ASXL3: variants seen among roughly 807,000 people sequenced by gnomAD.
ASXL3 encodes ASXL transcriptional regulator 3, also known as putative Polycomb group protein ASXL3.
In ASXL3, 34 loss-of-function variants were observed where a neutral mutation model predicts 170.6. The ratio of observed to expected loss-of-function variants is 0.20; its 90% CI spans 0.15 to 0.27. ASXL3 has a LOEUF of 0.27. Ranked by LOEUF, ASXL3 falls within the 10% of genes least tolerant of loss-of-function variation. The pLI is 1.00. For synonymous variants in ASXL3, 1,002 were observed against 989.1 expected (o/e 1.01, Z -0.24); for missense variants, 2,592 against 2,695.3 (o/e 0.96, Z 0.85).
chr18:33,601,785 G>GTATATA lies in ASXL3; in HGVS notation c.55-5804_55-5799dup, dbSNP rs1555717840. Among the ~76,000 whole-genome samples, 627 of 103,952 alleles carry GTATATA rather than the reference G, an allele frequency of 6.0e-3. 70 individuals are homozygous for GTATATA. The highest frequency in any genetic ancestry group is 0.021 in the African/African-American group (599 of 28,860). The allele number at this position is 103,952 out of a possible 152,430, so 68.2% of individuals were successfully genotyped here. On this transcript the variant is annotated intron_variant, in intron 1 of 11. Coordinates refer to ENST00000269197, the MANE Select transcript of ASXL3 (RefSeq NM_030632.3). ...TGAGAATTTAAGTAAATATCTGATT[G>GTATATA]TATATATATAGTTTGTTTGTTTTGA...
At chr18:33,628,899 T>A (rs1299819412) in intron 2 of ASXL3, among the ~76,000 whole-genome samples, 1 of 152,172 alleles carries the variant, frequency 6.6e-6, no homozygotes, top group African/African-American at 2.4e-5. Context: ...GGAGTTTGAA[T>A]TCATACTAGC....
chr18:33,668,030 A>G lies in ASXL3; in HGVS notation c.478-2643A>G, dbSNP rs564074098. ...CTGTTTAAAGCATCTTGCCTGCACTACTACCTCTGTTTTGTAGGACATTGA... is the reference window on the plus strand; with the variant it reads ...CTGTTTAAAGCATCTTGCCTGCACTGCTACCTCTGTTTTGTAGGACATTGA... On this transcript the variant is annotated intron_variant, in intron 5 of 11. Coordinates refer to ENST00000269197, the MANE Select transcript of ASXL3 (RefSeq NM_030632.3). 1.1e-3 allele frequency among the ~76,000 whole-genome samples: 166 copies of G among 152,320 alleles called. 1 individual carries two copies. Among genetic ancestry groups the G allele is most frequent in the African/African-American group, 3.8e-3 (157 of 41,582 alleles).
chr18:33,665,080 G>T (rs2066236141), intron 5 of ASXL3, among the ~76,000 whole-genome samples: 1 of 152,062 alleles, frequency 6.6e-6, no homozygotes. Context: ...AAAAAGATTA[G>T]ATTTTGAATT....
intron 2 of ASXL3, among the ~76,000 whole-genome samples, chr18:33,633,843 CAAAAAA>C (rs59859337): frequency 2.3e-5 from 2 of 86,950 alleles, no homozygotes; most frequent in African/African-American, 4.1e-5. Flanking sequence ...GACTCCATCT[CAAAAAA>C]AAAAAAAAAA....
In ASXL3 at chr18:33,749,742, AAAAC is replaced by A. The variant is rs886955836; in HGVS notation, c.*3152_*3155del. 1 of 152,176 alleles carries A rather than the reference AAAAC, an allele frequency of 6.6e-6. No homozygotes were observed. Among genetic ancestry groups the A allele is most frequent in the African/African-American group, 2.4e-5 (1 of 41,440 alleles). The allele number at this position is 152,176 out of a possible 1,614,324, so 9.4% of individuals were successfully genotyped here. A position where few individuals can be genotyped will look rare whatever the true frequency, so the allele number is the denominator to read the frequency against. On this transcript the variant is annotated 3_prime_UTR_variant, in exon 12 of 12. Coordinates refer to ENST00000269197, the MANE Select transcript of ASXL3 (RefSeq NM_030632.3). The stretch of plus-strand genomic sequence containing the variant: ...CTAGTTTGAAGAAAAAAAAAACTTG[AAAAC>A]AAACCTATGAGGTTGAGCCTGGTTG...
intron 8 of ASXL3, among the ~76,000 whole-genome samples, chr18:33,726,517 CAA>C (rs1276753466): frequency 6.6e-6 from 1 of 151,842 alleles, no homozygotes; most frequent in Admixed American, 6.6e-5. Flanking sequence ...AATTCATATT[CAA>C]AGAGAATGTA....
chr18:33,733,284 A>G (rs953008420), intron 9 of ASXL3, among the ~76,000 whole-genome samples: 1 of 152,084 alleles, frequency 6.6e-6, no homozygotes, highest in Non-Finnish European at 1.5e-5. Context: ...TTTAACCAAA[A>G]TGCCTAATAT....
intron 8 of ASXL3, among the ~76,000 whole-genome samples, chr18:33,730,527 C>T (rs1271124769): frequency 6.6e-6 from 1 of 152,122 alleles, no homozygotes; most frequent in Non-Finnish European, 1.5e-5. Context: ...AGGATAGTGT[C>T]CTAGAGTTAT....
chr18:33,721,259 G>A (rs60616259), intron 8 of ASXL3, among the ~76,000 whole-genome samples: 7,150 of 152,072 alleles, frequency 0.047, 231 homozygotes, highest in East Asian at 0.098. Flanking sequence ...GGTGGGATCA[G>A]GAGGATAGTT....
rs145159271 is a variant in ASXL3, at chr18:33,685,465, A to T, written c.879+1897A>T. 1.7e-3 allele frequency among the ~76,000 whole-genome samples: 254 copies of T among 152,292 alleles called. 1 individual carries two copies. Among genetic ancestry groups the T allele is most frequent in the African/African-American group, 6.0e-3 (249 of 41,556 alleles). On this transcript the variant is annotated intron_variant, in intron 8 of 11. Coordinates refer to ENST00000269197, the MANE Select transcript of ASXL3 (RefSeq NM_030632.3). ...TAGAAACGTTTAGGGGAAAGATCTGATTTATTAGCTTATACAACAATTTCT... is the reference window on the plus strand; with the variant it reads ...TAGAAACGTTTAGGGGAAAGATCTGTTTTATTAGCTTATACAACAATTTCT...
intron 2 of ASXL3, among the ~76,000 whole-genome samples, chr18:33,640,683 A>G (rs944536149): frequency 2.6e-5 from 4 of 152,048 alleles, no homozygotes; most frequent in African/African-American, 9.7e-5. Flanking sequence ...CACCTAACTT[A>G]CTCTTAAAAT....
At chr18:33,607,155 G>A (rs933277043) in intron 1 of ASXL3, among the ~76,000 whole-genome samples, 9 of 151,962 alleles carry the variant, frequency 5.9e-5, no homozygotes, top group African/African-American at 2.2e-4. Flanking sequence ...CGTGAATCCA[G>A]TGAGGCTGTT....
intron 1 of ASXL3, among the ~76,000 whole-genome samples, chr18:33,586,232 A>G (rs1168396124): frequency 6.6e-6 from 1 of 152,126 alleles, no homozygotes; most frequent in African/African-American, 2.4e-5. Context: ...AAAATAAATT[A>G]CTACATATGT....
chr18:33,729,073 G>A (rs1040067788), intron 8 of ASXL3, among the ~76,000 whole-genome samples: 4 of 152,132 alleles, frequency 2.6e-5, no homozygotes, highest in African/African-American at 9.7e-5. Flanking sequence ...AGCTCTTTAG[G>A]TTTGGTGTCT....
At chr18:33,661,825 G>A (rs2066178797) in intron 5 of ASXL3, 88 bp downstream of exon 5, 8 of 1,378,600 alleles carry the variant, frequency 5.8e-6, no homozygotes, top group Middle Eastern at 1.9e-4. Flanking sequence ...CAATAACCTA[G>A]CAATCAGAAA....
At chr18:33,648,929 A>G (rs1340545766) in intron 4 of ASXL3, among the ~76,000 whole-genome samples, 2 of 152,084 alleles carry the variant, frequency 1.3e-5, no homozygotes, top group African/African-American at 4.8e-5. Flanking sequence ...TTATGAGTGT[A>G]TTGATGAATT....
At chr18:33,731,712 A>G (rs2067449178) in intron 8 of ASXL3, among the ~76,000 whole-genome samples, 1 of 152,286 alleles carries the variant, frequency 6.6e-6, no homozygotes, top group South Asian at 2.1e-4. Context: ...AGCACAATGC[A>G]TACATCTAAA....
intron 4 of ASXL3, among the ~76,000 whole-genome samples, chr18:33,650,268 A>G (rs1424025717): frequency 1.3e-5 from 2 of 152,098 alleles, no homozygotes; most frequent in African/African-American, 2.4e-5. Context: ...ATAGTTAGTA[A>G]TATAGTCTGA....
chr18:33,659,719 G>A (rs2066141642), intron 4 of ASXL3, among the ~76,000 whole-genome samples: 1 of 152,060 alleles, frequency 6.6e-6, no homozygotes, highest in Non-Finnish European at 1.5e-5. Flanking sequence ...AAGGAGAGAA[G>A]CCTAGGAAGC....
Sources: allele counts gnomAD v4.1 joint callset (sites outside exome capture counted in the v4.1 genomes callset), GRCh38; gene constraint gnomAD v4.1.1; transcripts MANE v1.5; gene names NCBI Gene and HGNC (gene_info 2026-07-23, HGNC 2026-07-21).